The following CERS6 variants were observed in gnomAD, a reference collection of about 807,000 sequenced individuals.
CERS6 encodes the protein LAG1 homolog, ceramide synthase 6.
A neutral mutation model predicts 56.8 loss-of-function variants in CERS6; 26 were observed. The observed-to-expected ratio is 0.46, with a 90% CI of 0.34 to 0.63. CERS6 has a LOEUF of 0.63. CERS6 is among the 30% of genes least tolerant of loss of function. CERS6 has a pLI of 0.01. For synonymous variants in CERS6, 164 were observed against 173.3 expected (o/e 0.95, Z 0.42); for missense variants, 415 against 467.5 (o/e 0.89, Z 1.04).
intron 4 of CERS6, among the ~76,000 whole-genome samples, chr2:168,664,010 T>C (rs186037877): frequency 2.6e-5 from 4 of 152,334 alleles, no homozygotes; most frequent in South Asian, 2.1e-4. Flanking sequence ...TGCATTTCCA[T>C]TGGAGTTCTG....
At chr2:168,562,723 A>G (rs1194000148) in intron 3 of CERS6, among the ~76,000 whole-genome samples, 1 of 152,148 alleles carries the variant, frequency 6.6e-6, no homozygotes, top group Non-Finnish European at 1.5e-5. Context: ...TTTTATACTG[A>G]GACATTCAGT....
At chr2:168,648,244 T>C (rs1333846884) in intron 4 of CERS6, among the ~76,000 whole-genome samples, 2 of 152,110 alleles carry the variant, frequency 1.3e-5, no homozygotes, top group East Asian at 1.9e-4. Flanking sequence ...AGTTCAGTCT[T>C]GGCGGGTATA....
At chr2:168,764,469 G>C (rs557725232) in intron 8 of CERS6, among the ~76,000 whole-genome samples, 1 of 152,134 alleles carries the variant, frequency 6.6e-6, no homozygotes, top group Admixed American at 6.5e-5. Context: ...AATCATTTTT[G>C]TCAAAAATCC....
intron 4 of CERS6, chr2:168,644,208 G>A: frequency 1.1e-6 from 1 of 928,694 alleles, no homozygotes; most frequent in Non-Finnish European, 1.3e-6. Context: ...AAGGGGGAGG[G>A]AGGATTTCAG....
chr2:168,673,247 A>G (rs967120559), intron 4 of CERS6, among the ~76,000 whole-genome samples: 4 of 152,222 alleles, frequency 2.6e-5, no homozygotes, highest in Admixed American at 2.6e-4. Context: ...TTGAGAAGCA[A>G]TTACTCACTT....
chr2:168,774,056 T>A lies in CERS6; in HGVS notation c.*4394T>A, dbSNP rs1441674753. On this transcript the variant is annotated 3_prime_UTR_variant, in exon 10 of 10. Coordinates refer to ENST00000305747, the MANE Select transcript of CERS6 (RefSeq NM_203463.3). ...AGACACCCAAAGGAGAAGCTTGGTC[T>A]TTTCCAGGTATTTCCAACTTGAGTT... 1 of 152,218 alleles carries A rather than the reference T, an allele frequency of 6.6e-6. No homozygotes were observed. The highest frequency in any genetic ancestry group is 2.4e-5 in the African/African-American group (1 of 41,456). 9.4% of individuals were successfully genotyped at this position (152,218 alleles called of 1,614,324 possible).
intron 4 of CERS6, among the ~76,000 whole-genome samples, chr2:168,659,713 C>A (rs995725210): frequency 6.6e-6 from 1 of 151,474 alleles, no homozygotes; most frequent in Non-Finnish European, 1.5e-5. Context: ...TTTTTAATCA[C>A]CTAAGCCATG....
At chr2:168,474,245 G>A (rs1694028325) in intron 1 of CERS6, among the ~76,000 whole-genome samples, 1 of 152,030 alleles carries the variant, frequency 6.6e-6, no homozygotes, top group African/African-American at 2.4e-5. Context: ...TTGATTTAAC[G>A]GCTTTTCCAT....
intron 8 of CERS6, among the ~76,000 whole-genome samples, chr2:168,747,813 C>G (rs1180341531): frequency 7.1e-6 from 1 of 141,648 alleles, no homozygotes; most frequent in African/African-American, 2.7e-5. Flanking sequence ...ATACCAATAG[C>G]ACTTCCTACA....
intron 6 of CERS6, among the ~76,000 whole-genome samples, chr2:168,703,149 G>A (rs1686844838): frequency 6.6e-6 from 1 of 152,174 alleles, no homozygotes; most frequent in Non-Finnish European, 1.5e-5. Context: ...TGTTAATACT[G>A]ATAGATATAG....
At chr2:168,633,093 A>G (rs1684784621) in intron 4 of CERS6, among the ~76,000 whole-genome samples, 1 of 151,958 alleles carries the variant, frequency 6.6e-6, no homozygotes, top group Admixed American at 6.6e-5. Flanking sequence ...TTCCTTGGAA[A>G]TTATTTTTTC....
At chr2:168,746,822 A>ATATATAT (rs1559078628) in intron 8 of CERS6, among the ~76,000 whole-genome samples, 49 of 34,300 alleles carry the variant, frequency 1.4e-3, no homozygotes, top group East Asian at 2.3e-3. Flanking sequence ...TATATATATA[A>ATATATAT]AATCATCTTT....
At chr2:168,504,791 G>C (rs139808848) in intron 1 of CERS6, among the ~76,000 whole-genome samples, 5 of 152,094 alleles carry the variant, frequency 3.3e-5, no homozygotes, top group African/African-American at 1.2e-4. Context: ...CCTTGGAGAG[G>C]AAATCATTAA....
chr2:168,561,286 A>G lies in CERS6; in HGVS notation c.371A>G (p.Glu124Gly), dbSNP rs1695782194. The G allele has an allele frequency of 8.1e-6, 13 of 1,614,184 alleles. No homozygotes were observed. The highest frequency in any genetic ancestry group is 1.1e-5 in the Non-Finnish European group (13 of 1,180,002). The change falls in exon 3 of 10, where the codon GAG becomes GGG. Residue 124 changes from glutamate (E) to glycine (G), a missense_variant. Coordinates refer to ENST00000305747, the MANE Select transcript of CERS6 (RefSeq NM_203463.3). Reference protein sequence around the residue: ...QRWFRQRRNQEKPSTLTRFCE... With the variant: ...QRWFRQRRNQGKPSTLTRFCE... ...TGGTTTCGACAAAGACGCAATCAGG[A>G]GAAGCCAAGCACGCTGACGAGGTTC...
intron 3 of CERS6, among the ~76,000 whole-genome samples, chr2:168,627,295 T>C (rs1225896045): frequency 2.6e-5 from 4 of 152,352 alleles, no homozygotes; most frequent in African/African-American, 4.8e-5. Context: ...TTGCTAACCA[T>C]AGTCTTTTTA....
chr2:168,614,192 A>T (rs920210173), intron 3 of CERS6, among the ~76,000 whole-genome samples: 1 of 152,262 alleles, frequency 6.6e-6, no homozygotes, highest in East Asian at 1.9e-4. Context: ...TTTGTTTTCA[A>T]TTGGATGGGA....
At chr2:168,580,605 CT>C (rs760217269) in intron 3 of CERS6, among the ~76,000 whole-genome samples, 1 of 152,118 alleles carries the variant, frequency 6.6e-6, no homozygotes, top group South Asian at 2.1e-4. Context: ...ATATTTACCA[CT>C]TTTTTTGTTT....
intron 4 of CERS6, among the ~76,000 whole-genome samples, chr2:168,636,468 C>A (rs1276406940): frequency 2.0e-5 from 3 of 151,992 alleles, no homozygotes; most frequent in African/African-American, 7.3e-5. Flanking sequence ...CTTAATGGAA[C>A]CTTTGCTCTC....
At chr2:168,473,106 G>C (rs1329563248) in intron 1 of CERS6, among the ~76,000 whole-genome samples, 6 of 151,754 alleles carry the variant, frequency 4.0e-5, no homozygotes, top group Non-Finnish European at 2.9e-5. Flanking sequence ...CTCTTCTTCA[G>C]GAATATCAGT....
Sources: allele counts gnomAD v4.1 joint callset (sites outside exome capture counted in the v4.1 genomes callset), GRCh38; gene constraint gnomAD v4.1.1; transcripts MANE v1.5; gene names NCBI Gene and HGNC (gene_info 2026-07-23, HGNC 2026-07-21).